The following CWC27 variants were observed in gnomAD, a reference collection of about 807,000 sequenced individuals.
CWC27 encodes the protein spliceosome-associated protein CWC27 homolog.
CWC27 carries 47 observed loss-of-function variants against 63.6 expected under a neutral mutation model. That is an observed-to-expected ratio of 0.74 (90% CI 0.58 to 0.94). The LOEUF (loss-of-function observed/expected upper bound fraction) is 0.94, where lower values mean the gene tolerates loss of function less well. Ranked by LOEUF, CWC27 falls within the 40% of genes least tolerant of loss-of-function variation. The pLI is 0.00. For synonymous variants in CWC27, 175 were observed against 179.8 expected (o/e 0.97, Z 0.22); for missense variants, 495 against 554.3 (o/e 0.89, Z 1.07).
chr5:64,791,681 A>T (rs907095010), intron 7 of CWC27, among the ~76,000 whole-genome samples: 9 of 152,106 alleles, frequency 5.9e-5, no homozygotes, highest in Admixed American at 2.0e-4. Flanking sequence ...TCTCACGTCT[A>T]TATCTCTAGG....
intron 11 of CWC27, among the ~76,000 whole-genome samples, chr5:64,947,255 G>T (rs1392135064): frequency 6.6e-6 from 1 of 152,060 alleles, no homozygotes; most frequent in Non-Finnish European, 1.5e-5. Flanking sequence ...AGATAAAGCT[G>T]TTACTAACAT....
chr5:65,001,138 A>G (rs1749725096), intron 13 of CWC27, among the ~76,000 whole-genome samples: 1 of 152,008 alleles, frequency 6.6e-6, no homozygotes, highest in African/African-American at 2.4e-5. Flanking sequence ...TCATTGCTCT[A>G]CAGAAACACT....
At chr5:64,995,797 A>G (rs1185023348) in intron 13 of CWC27, among the ~76,000 whole-genome samples, 1 of 152,144 alleles carries the variant, frequency 6.6e-6, no homozygotes, top group African/African-American at 2.4e-5. Flanking sequence ...TTACTGTTCT[A>G]CACTTATATT....
At chr5:64,898,960 G>A (rs1747441828) in intron 11 of CWC27, among the ~76,000 whole-genome samples, 1 of 152,078 alleles carries the variant, frequency 6.6e-6, no homozygotes, top group Non-Finnish European at 1.5e-5. Context: ...TTGCACAAAA[G>A]CACTTTCACT....
At chr5:64,951,963 T>C (rs1449310653) in intron 11 of CWC27, among the ~76,000 whole-genome samples, 2 of 151,978 alleles carry the variant, frequency 1.3e-5, no homozygotes, top group Non-Finnish European at 2.9e-5. Context: ...GAATATGTTG[T>C]GTACTATATA....
chr5:65,004,078 C>T (rs2112468114), intron 13 of CWC27, among the ~76,000 whole-genome samples: 1 of 152,288 alleles, frequency 6.6e-6, no homozygotes. Context: ...TTCCTGGTCT[C>T]AAGTGATCTG....
Position 65,018,331 on chromosome 5 carries a change from A to G in CWC27, c.*10A>G. ...AAAAGAAAGAAGATAAAATGAGAAT[A>G]ATGATAACCAGAACTTGCTGGAAAT... On this transcript the variant is annotated 3_prime_UTR_variant, in exon 14 of 14. Coordinates refer to ENST00000381070, the MANE Select transcript of CWC27 (RefSeq NM_005869.4). 1.3e-6 allele frequency: 2 copies of G among 1,579,482 alleles called. No homozygotes were observed. Among genetic ancestry groups the G allele is most frequent in the Non-Finnish European group, 1.7e-6 (2 of 1,168,114 alleles).
chr5:64,938,547 T>A (rs1377954279), intron 11 of CWC27, among the ~76,000 whole-genome samples: 1 of 152,172 alleles, frequency 6.6e-6, no homozygotes, highest in Non-Finnish European at 1.5e-5. Flanking sequence ...ATTTTTTCCT[T>A]CATTTCATCC....
intron 13 of CWC27, among the ~76,000 whole-genome samples, chr5:65,002,667 A>ATT (rs576503159): frequency 1.2e-3 from 187 of 151,262 alleles, no homozygotes; most frequent in African/African-American, 4.3e-3. Flanking sequence ...TATGATTTTG[A>ATT]TTTTTTTTTA....
chr5:64,770,172 A>G (rs917347914), intron 1 of CWC27, among the ~76,000 whole-genome samples: 1 of 152,246 alleles, frequency 6.6e-6, no homozygotes, highest in African/African-American at 2.4e-5. Context: ...AGAGCAATTT[A>G]AAAGTGAAAC....
intron 11 of CWC27, among the ~76,000 whole-genome samples, chr5:64,932,929 A>G (rs896975748): frequency 2.0e-5 from 3 of 152,186 alleles, no homozygotes; most frequent in Non-Finnish European, 4.4e-5. Context: ...TGATCTTCTT[A>G]ATATAGTTAT....
chr5:64,795,448 T>C (rs897117044), intron 7 of CWC27, among the ~76,000 whole-genome samples: 12 of 152,298 alleles, frequency 7.9e-5, no homozygotes, highest in African/African-American at 2.9e-4. Context: ...GTCAGAAGTC[T>C]GCAATAGGTT....
chr5:64,912,340 C>T (rs1321036562), intron 11 of CWC27, among the ~76,000 whole-genome samples: 4 of 151,986 alleles, frequency 2.6e-5, no homozygotes, highest in African/African-American at 9.7e-5. Flanking sequence ...TGACCAAAAC[C>T]CAGCAGAAAC....
intron 11 of CWC27, among the ~76,000 whole-genome samples, chr5:64,953,273 G>A (rs1561168905): frequency 6.6e-6 from 1 of 152,128 alleles, no homozygotes; most frequent in Non-Finnish European, 1.5e-5. Context: ...CAATTTAACA[G>A]TATATTACAC....
intron 11 of CWC27, among the ~76,000 whole-genome samples, chr5:64,970,336 T>C (rs901895215): frequency 3.3e-5 from 5 of 151,314 alleles, no homozygotes; most frequent in Non-Finnish European, 5.9e-5. Context: ...CCTCAGCCTC[T>C]CCAGTAGCTG....
chr5:64,916,928 T>TAGCAGC (rs774036069), intron 11 of CWC27, among the ~76,000 whole-genome samples: 2 of 148,856 alleles, frequency 1.3e-5, no homozygotes, highest in African/African-American at 4.9e-5. Context: ...GTAGTAGTAG[T>TAGCAGC]AGCAGTGGTA....
At chr5:64,855,327 T>A (rs1746225206) in intron 10 of CWC27, among the ~76,000 whole-genome samples, 1 of 152,174 alleles carries the variant, frequency 6.6e-6, no homozygotes, top group African/African-American at 2.4e-5. Context: ...CAGAGACTAG[T>A]GTTTGCAACT....
At chr5:64,845,129 C>T in intron 10 of CWC27, 5 of 409,470 alleles carry the variant, frequency 1.2e-5, no homozygotes, top group Non-Finnish European at 4.9e-6. Context: ...CCCCATGTAA[C>T]ATCAGAGGAA....
At chr5:64,939,664 C>T (rs1274802300) in intron 11 of CWC27, among the ~76,000 whole-genome samples, 1 of 152,260 alleles carries the variant, frequency 6.6e-6, no homozygotes, top group Non-Finnish European at 1.5e-5. Flanking sequence ...GATCGCTGCT[C>T]TCTTTAGAGC....
Sources: allele counts gnomAD v4.1 joint callset (sites outside exome capture counted in the v4.1 genomes callset), GRCh38; gene constraint gnomAD v4.1.1; transcripts MANE v1.5; gene names NCBI Gene and HGNC (gene_info 2026-07-23, HGNC 2026-07-21).